Variants in SGIP1 observed in about 807,000 individuals in gnomAD.
SGIP1 encodes the protein SH3-containing GRB2-like protein 3-interacting protein 1.
A neutral mutation model predicts 107.5 loss-of-function variants in SGIP1; 38 were observed. The ratio of observed to expected loss-of-function variants is 0.35; its 90% confidence interval spans 0.27 to 0.46. SGIP1 has a LOEUF of 0.46. Among genes scored for constraint, SGIP1 ranks in the 20% least tolerant of loss-of-function variants. The pLI is 1.00. For missense variants in SGIP1, 929 were observed against 1,019.5 expected (o/e 0.91, Z 1.21); for synonymous variants, 365 against 366.1 (o/e 1.00, Z 0.03).
At position 66,748,119 on chromosome 1, in the gene SGIP1, A is replaced by G. The variant is rs145241113; in HGVS notation, c.*5024A>G. The G allele has an allele frequency of 2.0e-4, 31 of 151,908 alleles. No homozygotes were observed. Among genetic ancestry groups the G allele is most frequent in the African/African-American group, 3.1e-4 (13 of 41,500 alleles). 9.4% of individuals were successfully genotyped at this position (151,908 alleles called of 1,614,324 possible). On this transcript the variant is annotated 3_prime_UTR_variant, in exon 25 of 25. Transcript: ENST00000371037. ...CACTTTCCTCTTAAGGTTTTATTGT[A>G]TTTTCCCTGCTCCTTTAGGCTTTTT...
intron 1 of SGIP1, among the ~76,000 whole-genome samples, chr1:66,549,845 T>C (rs569976486): frequency 4.6e-5 from 7 of 152,304 alleles, no homozygotes; most frequent in African/African-American, 1.7e-4. Context: ...GGTTTCCATC[T>C]ATACACTGAC....
At chr1:66,587,841 G>C (rs573859672) in intron 1 of SGIP1, among the ~76,000 whole-genome samples, 1 of 152,198 alleles carries the variant, frequency 6.6e-6, no homozygotes, top group East Asian at 1.9e-4. Flanking sequence ...GCCAGAAAGG[G>C]AAAGGAGGAG....
chr1:66,616,886 G>A (rs1484087466), intron 1 of SGIP1, among the ~76,000 whole-genome samples: 2 of 152,108 alleles, frequency 1.3e-5, no homozygotes, highest in Non-Finnish European at 2.9e-5. Flanking sequence ...GTCTCAGCAT[G>A]AATTTTTTTG....
chr1:66,597,682 T>C (rs1438643408), intron 1 of SGIP1, among the ~76,000 whole-genome samples: 2 of 151,606 alleles, frequency 1.3e-5, no homozygotes, highest in Non-Finnish European at 2.9e-5. Context: ...TAAGTTGCCA[T>C]TGACACAAGA....
chr1:66,644,400 C>T (rs2077300570), intron 7 of SGIP1, among the ~76,000 whole-genome samples: 2 of 151,916 alleles, frequency 1.3e-5, no homozygotes, highest in South Asian at 4.2e-4. Context: ...TCCCCAATTC[C>T]CAGCTACTAA....
At chr1:66,601,298 G>A (rs1213811807) in intron 1 of SGIP1, among the ~76,000 whole-genome samples, 1 of 152,122 alleles carries the variant, frequency 6.6e-6, no homozygotes, top group East Asian at 1.9e-4. Flanking sequence ...CTGGGAGGCG[G>A]AGCTTGCAGT....
intron 18 of SGIP1, among the ~76,000 whole-genome samples, chr1:66,711,702 G>A (rs1231376314): frequency 6.6e-6 from 1 of 152,152 alleles, no homozygotes; most frequent in Non-Finnish European, 1.5e-5. Flanking sequence ...AGCAGATCTG[G>A]TAGGGTGGGC....
rs113108473 is a variant in SGIP1, at chr1:66,539,406, C to T, written c.10+5038C>T. 9.4e-3 allele frequency among the ~76,000 whole-genome samples: 1,424 copies of T among 152,218 alleles called. 13 individuals carry two copies. Among genetic ancestry groups the T allele is most frequent in the Non-Finnish European group, 0.015 (993 of 68,008 alleles). On this transcript the variant is annotated intron_variant, in intron 1 of 24. Coordinates refer to ENST00000371037, the MANE Select transcript of SGIP1 (RefSeq NM_032291.4). ...GGGAAGTGTATTTAGACTTGGGAAGCGATGGGCCTCTATTCTTGGAACTTG... is the reference window on the plus strand; with the variant it reads ...GGGAAGTGTATTTAGACTTGGGAAGTGATGGGCCTCTATTCTTGGAACTTG...
intron 24 of SGIP1, among the ~76,000 whole-genome samples, chr1:66,742,832 C>A (rs898576482): frequency 2.0e-5 from 3 of 152,152 alleles, no homozygotes; most frequent in Admixed American, 6.5e-5. Flanking sequence ...CCAATCTATT[C>A]TGGGCAAACC....
chr1:66,592,652 T>A (rs939477978), intron 1 of SGIP1, among the ~76,000 whole-genome samples: 1 of 152,182 alleles, frequency 6.6e-6, no homozygotes, highest in Admixed American at 6.5e-5. Flanking sequence ...TGGTGTACAT[T>A]CTATAGGTTT....
intron 1 of SGIP1, among the ~76,000 whole-genome samples, chr1:66,621,007 G>T (rs2070927585): frequency 6.6e-6 from 1 of 152,260 alleles, no homozygotes; most frequent in African/African-American, 2.4e-5. Flanking sequence ...TAAACAAGAT[G>T]CCCGCATGGA....
intron 1 of SGIP1, among the ~76,000 whole-genome samples, chr1:66,555,029 A>G (rs554958705): frequency 1.3e-5 from 2 of 152,120 alleles, no homozygotes; most frequent in Non-Finnish European, 2.9e-5. Flanking sequence ...CCTTTATCTC[A>G]TAAGTTCAGT....
At chr1:66,703,765 TATATG>T (rs1372428302) in intron 18 of SGIP1, among the ~76,000 whole-genome samples, 1 of 151,458 alleles carries the variant, frequency 6.6e-6, no homozygotes, top group Non-Finnish European at 1.5e-5. Context: ...TAGGTTTTCA[TATATG>T]ATATATAATG....
chr1:66,579,068 T>C (rs2061467680), intron 1 of SGIP1, among the ~76,000 whole-genome samples: 1 of 152,224 alleles, frequency 6.6e-6, no homozygotes, highest in African/African-American at 2.4e-5. Flanking sequence ...TCTTTAAGTA[T>C]CCAGGAAGTG....
At chr1:66,645,215 A>G (rs1411814733) in intron 7 of SGIP1, among the ~76,000 whole-genome samples, 1 of 152,232 alleles carries the variant, frequency 6.6e-6, no homozygotes, top group African/African-American at 2.4e-5. Flanking sequence ...GAACACATTT[A>G]TGTGAAAGCA....
chr1:66,742,877 T>C (rs1393904262), intron 24 of SGIP1, among the ~76,000 whole-genome samples, 196 bp from the exon 25 acceptor site: 1 of 152,188 alleles, frequency 6.6e-6, no homozygotes, highest in Non-Finnish European at 1.5e-5. Context: ...TATGGAAATG[T>C]GAAGAGGCAA....
At chr1:66,688,546 T>C (rs2089040403) in intron 15 of SGIP1, among the ~76,000 whole-genome samples, 1 of 152,252 alleles carries the variant, frequency 6.6e-6, no homozygotes, top group Non-Finnish European at 1.5e-5. Flanking sequence ...ATGTCTGTTA[T>C]CAAGATTCTA....
intron 18 of SGIP1, among the ~76,000 whole-genome samples, chr1:66,698,058 G>A (rs1162363945): frequency 6.6e-6 from 1 of 152,086 alleles, no homozygotes; most frequent in Admixed American, 6.5e-5. Context: ...TTTTTACAGT[G>A]TTCAAAACAC....
intron 1 of SGIP1, among the ~76,000 whole-genome samples, chr1:66,546,026 AC>A (rs997439887): frequency 5.3e-5 from 8 of 152,168 alleles, no homozygotes; most frequent in African/African-American, 1.7e-4. Context: ...AGGATCACAA[AC>A]TTTTGGTGAA....
Sources: gnomAD v4.1 joint callset for allele counts (sites outside exome capture counted in the v4.1 genomes callset) on GRCh38, gnomAD v4.1.1 for gene constraint, MANE v1.5 for transcripts, NCBI Gene and HGNC (gene_info 2026-07-23, HGNC 2026-07-21) for gene names.